Variants in CNTNAP2 observed in about 807,000 individuals in gnomAD.
CNTNAP2 encodes the protein contactin associated protein 2, also known as contactin-associated protein-like 2.
Under a neutral mutation model 155.2 loss-of-function variants are expected in CNTNAP2, and 98 were observed. That is an observed-to-expected ratio of 0.63 (90% confidence interval 0.54 to 0.75). CNTNAP2 has a LOEUF of 0.75. Among genes scored for constraint, CNTNAP2 ranks in the 30% least tolerant of loss-of-function variants. The probability of loss-of-function intolerance (pLI) is 0.00; values close to 1 mark genes in which losing one functional copy is unlikely to be tolerated. For synonymous variants in CNTNAP2, 651 were observed against 631.2 expected, an observed-to-expected ratio of 1.03 and a Z score of -0.47; for missense variants, 1,727 against 1,688.1, an observed-to-expected ratio of 1.02 and a Z score of -0.40.
intron 1 of CNTNAP2, among the ~76,000 whole-genome samples, chr7:146,295,886 AAC>A (rs1800507189): frequency 6.6e-6 from 1 of 151,716 alleles, no homozygotes. Flanking sequence ...AAAAAAAAAA[AAC>A]AAAGAAAAGA....
chr7:148,022,748 G>T (rs1404354190), intron 15 of CNTNAP2, among the ~76,000 whole-genome samples: 1 of 151,962 alleles, frequency 6.6e-6, no homozygotes, highest in African/African-American at 2.4e-5. Context: ...GATGTCTAAT[G>T]CTCTCGTCTC....
chr7:147,786,760 G>A (rs1797745988), intron 13 of CNTNAP2, among the ~76,000 whole-genome samples: 2 of 152,068 alleles, frequency 1.3e-5, no homozygotes, highest in African/African-American at 2.4e-5. Context: ...TTGAGGCCAG[G>A]AGTTCAAGAC....
chr7:148,332,260 T>C (rs1333307830), intron 21 of CNTNAP2, among the ~76,000 whole-genome samples: 1 of 152,180 alleles, frequency 6.6e-6, no homozygotes, highest in Non-Finnish European at 1.5e-5. Flanking sequence ...TTGTAGAGCA[T>C]TGAATAGATG....
At chr7:147,482,998 A>T (rs1265248304) in intron 10 of CNTNAP2, among the ~76,000 whole-genome samples, 1 of 151,992 alleles carries the variant, frequency 6.6e-6, no homozygotes, top group Admixed American at 6.6e-5. Context: ...GTGAGCCGAG[A>T]TGGTGCCACT....
At chr7:147,416,105 C>T (rs1391734627) in intron 10 of CNTNAP2, among the ~76,000 whole-genome samples, 2 of 152,234 alleles carry the variant, frequency 1.3e-5, no homozygotes, top group African/African-American at 2.4e-5. Context: ...CTTACTTTCT[C>T]AGCAATGACT....
At chr7:148,062,008 T>TAGAC (rs201856851) in intron 15 of CNTNAP2, among the ~76,000 whole-genome samples, 1 of 78,594 alleles carries the variant, frequency 1.3e-5, no homozygotes, top group Non-Finnish European at 2.4e-5. Context: ...GATAGATAGA[T>TAGAC]GATAGAGAGA....
intron 11 of CNTNAP2, among the ~76,000 whole-genome samples, chr7:147,555,145 TA>T (rs1799928265): frequency 6.6e-6 from 1 of 152,188 alleles, no homozygotes; most frequent in South Asian, 2.1e-4. Flanking sequence ...TCATGGTTTC[TA>T]ATGAGAATTA....
intron 8 of CNTNAP2, among the ~76,000 whole-genome samples, chr7:147,236,489 T>C (rs1584810481): frequency 6.6e-6 from 1 of 152,162 alleles, no homozygotes; most frequent in Non-Finnish European, 1.5e-5. Context: ...TATCTGATCA[T>C]TCCAATTTCA....
At chr7:146,947,519 GTGTA>G (rs1479803788) in intron 3 of CNTNAP2, among the ~76,000 whole-genome samples, 1 of 135,322 alleles carries the variant, frequency 7.4e-6, no homozygotes, top group African/African-American at 2.8e-5. Context: ...TATATATAGT[GTGTA>G]TGTATGTGTG....
At chr7:146,575,888 G>A (rs1203823814) in intron 1 of CNTNAP2, among the ~76,000 whole-genome samples, 2 of 152,136 alleles carry the variant, frequency 1.3e-5, no homozygotes, top group East Asian at 1.9e-4. Context: ...CTTGTCTACC[G>A]AAAGGCTTAC....
At chr7:146,240,389 AAATT>A (rs1799540777) in intron 1 of CNTNAP2, among the ~76,000 whole-genome samples, 1 of 152,148 alleles carries the variant, frequency 6.6e-6, no homozygotes, top group African/African-American at 2.4e-5. Flanking sequence ...TAATATAGAA[AAATT>A]AATACCTTGA....
chr7:146,142,136 G>A (rs1344780983), intron 1 of CNTNAP2, among the ~76,000 whole-genome samples: 2 of 152,174 alleles, frequency 1.3e-5, no homozygotes, highest in African/African-American at 2.4e-5. Context: ...TATTTGCAAT[G>A]TGAATAGAAA....
intron 1 of CNTNAP2, among the ~76,000 whole-genome samples, chr7:146,772,412 A>G (rs538268775): frequency 3.0e-4 from 46 of 150,944 alleles, no homozygotes; most frequent in African/African-American, 1.0e-3. Context: ...TAATCCCAGC[A>G]CTTTGGGAGG....
At chr7:146,477,919 G>A (rs957560014) in intron 1 of CNTNAP2, among the ~76,000 whole-genome samples, 2 of 151,984 alleles carry the variant, frequency 1.3e-5, no homozygotes, top group Middle Eastern at 3.2e-3. Context: ...GCATTCTACC[G>A]TCCTCCACAA....
chr7:146,689,021 G>A lies in CNTNAP2; in HGVS notation c.98-85250G>A, dbSNP rs1800651929. ...CTTCAAAAAATAATTATAAATGTTG[G>A]CATTTTTAAAACACTTTTTCACGAA... On this transcript the variant is annotated intron_variant, in intron 1 of 23. Coordinates refer to ENST00000361727, the MANE Select transcript of CNTNAP2 (RefSeq NM_014141.6). Among the ~76,000 whole-genome samples the A allele has an allele frequency of 2.0e-5, 3 of 151,976 alleles. No individual in the cohort carries two copies. In the South Asian group the frequency reaches 6.2e-4, roughly 32 times the overall value.
At chr7:147,206,554 A>G (rs575805302) in intron 8 of CNTNAP2, among the ~76,000 whole-genome samples, 4 of 152,116 alleles carry the variant, frequency 2.6e-5, no homozygotes, top group Non-Finnish European at 5.9e-5. Context: ...TCTATCTCCA[A>G]TGAATAAATA....
intron 15 of CNTNAP2, among the ~76,000 whole-genome samples, chr7:147,986,729 A>G (rs1428337668): frequency 6.6e-6 from 1 of 152,196 alleles, no homozygotes; most frequent in Non-Finnish European, 1.5e-5. Flanking sequence ...CTGCCTATCA[A>G]CAGCTGAGTG....
At chr7:146,788,601 C>T (rs916106770) in intron 2 of CNTNAP2, among the ~76,000 whole-genome samples, 4 of 152,100 alleles carry the variant, frequency 2.6e-5, no homozygotes, top group Non-Finnish European at 5.9e-5. Flanking sequence ...TTTATATTCC[C>T]AAACCTTCCA....
At chr7:147,364,960 ATTTT>A (rs1462649716) in intron 9 of CNTNAP2, among the ~76,000 whole-genome samples, 2 of 152,142 alleles carry the variant, frequency 1.3e-5, no homozygotes, top group Non-Finnish European at 2.9e-5. Flanking sequence ...AAGAATTTGT[ATTTT>A]TTTAAGTAAA....
Sources: gnomAD v4.1 joint callset for allele counts (sites outside exome capture counted in the v4.1 genomes callset) on GRCh38, gnomAD v4.1.1 for gene constraint, MANE v1.5 for transcripts, NCBI Gene and HGNC (gene_info 2026-07-23, HGNC 2026-07-21) for gene names.